HDHD2: variants seen among roughly 807,000 people sequenced by gnomAD.
The protein encoded by HDHD2 is haloacid dehalogenase like hydrolase domain containing 2.
Under a neutral mutation model 24.8 loss-of-function variants are expected in HDHD2, and 26 were observed. The ratio of observed to expected loss-of-function variants is 1.05; its 90% confidence interval spans 0.77 to 1.45. HDHD2 has a LOEUF of 1.45. HDHD2 is among the 40% of genes most tolerant of loss of function. The pLI, the probability that HDHD2 is intolerant of heterozygous loss-of-function variation, is 0.00. For synonymous variants in HDHD2, 128 were observed against 114.9 expected, an observed-to-expected ratio of 1.11 and a Z score of -0.73; for missense variants, 299 against 313.4, an observed-to-expected ratio of 0.95 and a Z score of 0.35.
intron 5 of HDHD2, among the ~76,000 whole-genome samples, chr18:47,113,393 A>T (rs1243853254): frequency 2.6e-5 from 4 of 152,202 alleles, no homozygotes; most frequent in Non-Finnish European, 5.9e-5. Context: ...TTTGGCAGTA[A>T]ATAATACAGC....
intron 1 of HDHD2, among the ~76,000 whole-genome samples, chr18:47,140,061 A>C (rs1168101926): frequency 6.6e-6 from 1 of 152,158 alleles, no homozygotes; most frequent in Non-Finnish European, 1.5e-5. Flanking sequence ...TCTTTTCTTC[A>C]TATTTTTTAC....
intron 6 of HDHD2, chr18:47,111,786 T>C: frequency 1.0e-6 from 1 of 985,364 alleles, no homozygotes; most frequent in Non-Finnish European, 1.2e-6. Flanking sequence ...ATTTCTTGTT[T>C]CTATTTGAAA....
intron 3 of HDHD2, among the ~76,000 whole-genome samples, chr18:47,133,401 G>C (rs1309556467): frequency 6.6e-6 from 1 of 151,516 alleles, no homozygotes; most frequent in Non-Finnish European, 1.5e-5. Context: ...ATCATTGATG[G>C]ACATTTGGGT....
At chr18:47,143,439 CAT>C (rs1272854102) in intron 1 of HDHD2, among the ~76,000 whole-genome samples, 2 of 152,090 alleles carry the variant, frequency 1.3e-5, no homozygotes, top group African/African-American at 2.4e-5. Context: ...AAAACACACA[CAT>C]ATATATATAT....
chr18:47,114,469 T>C (rs1226068108), intron 5 of HDHD2, among the ~76,000 whole-genome samples: 2 of 152,216 alleles, frequency 1.3e-5, no homozygotes, highest in African/African-American at 4.8e-5. Context: ...AATTGAAATA[T>C]AATCCTGGCC....
chr18:47,131,469 A>G (rs770032292), intron 3 of HDHD2, among the ~76,000 whole-genome samples: 1 of 152,174 alleles, frequency 6.6e-6, no homozygotes, highest in Non-Finnish European at 1.5e-5. Context: ...GCCTGTCCAG[A>G]TCTGAAATCA....
chr18:47,114,085 C>A (rs2063537910), intron 5 of HDHD2, among the ~76,000 whole-genome samples: 1 of 152,202 alleles, frequency 6.6e-6, no homozygotes, highest in South Asian at 2.1e-4. Flanking sequence ...GCTCAGATAA[C>A]CACTTTTTTA....
At chr18:47,148,870 G>A (rs1447881119) in intron 1 of HDHD2, among the ~76,000 whole-genome samples, 1 of 152,194 alleles carries the variant, frequency 6.6e-6, no homozygotes, top group Non-Finnish European at 1.5e-5. Flanking sequence ...CAACAGTGCA[G>A]TGGTTAAGGA....
In HDHD2 at chr18:47,134,536, G is replaced by A; in HGVS notation, c.270C>T (p.Pro90=). 6.2e-7 allele frequency: 1 copy of A among 1,614,096 alleles called. No homozygotes were observed. The highest frequency in any genetic ancestry group is 8.5e-7 in the Non-Finnish European group (1 of 1,179,974). ...GTGCCCGATCATCAACTAGCAGCAT[G>A]GGTCTGACTTGTTTCCGCTCTAGTA... ...RSLLERKQVR[P]MLLVDDRALP... Residue 90 remains proline (P), a synonymous_variant, in exon 3 of 7, where the codon CCC becomes CCT. Transcript: ENST00000300605.
At chr18:47,139,015 G>C (rs1297355908) in intron 1 of HDHD2, among the ~76,000 whole-genome samples, 2 of 152,196 alleles carry the variant, frequency 1.3e-5, no homozygotes, top group Admixed American at 6.5e-5. Flanking sequence ...TGATCACATG[G>C]AGGCTGATAG....
At chr18:47,138,170 G>A (rs1263035452) in intron 1 of HDHD2, among the ~76,000 whole-genome samples, 1 of 35,464 alleles carries the variant, frequency 2.8e-5, no homozygotes. Context: ...AGATTCTGTC[G>A]CAAAAAAAAA....
At chr18:47,128,958 T>C (rs2063686272) in intron 4 of HDHD2, among the ~76,000 whole-genome samples, 1 of 152,196 alleles carries the variant, frequency 6.6e-6, no homozygotes, top group Admixed American at 6.5e-5. Flanking sequence ...TAAGTTAGAA[T>C]GGTTCTTACA....
intron 4 of HDHD2, among the ~76,000 whole-genome samples, chr18:47,120,880 C>T (rs186432952): frequency 6.6e-6 from 1 of 152,240 alleles, no homozygotes; most frequent in East Asian, 1.9e-4. Flanking sequence ...ACACACACAA[C>T]ATTAAATTTG....
chr18:47,108,798 T>C lies in HDHD2; in HGVS notation c.677-13A>G. On this transcript the variant is annotated splice_polypyrimidine_tract_variant and intron_variant, in intron 6 of 6. Transcript: ENST00000300605. ...GCTCGATATTTCCCTGAAATGAAAG[T>C]AAAGCCAGTAAACACAGGCTGCCAC... 6.5e-7 allele frequency: 1 copy of C among 1,530,970 alleles called. No homozygotes were observed. The highest frequency in any genetic ancestry group is 9.0e-7 in the Non-Finnish European group (1 of 1,105,422). The allele number at this position is 1,530,970 out of a possible 1,614,324, so 94.8% of individuals were successfully genotyped here.
intron 2 of HDHD2, 127 bp downstream of exon 2, chr18:47,136,212 A>G: frequency 1.7e-6 from 2 of 1,145,886 alleles, no homozygotes; most frequent in Non-Finnish European, 2.4e-6. Flanking sequence ...GCTAAACCCA[A>G]GGCAGTTCCT....
intron 4 of HDHD2, among the ~76,000 whole-genome samples, chr18:47,118,417 G>A (rs2063574748): frequency 6.6e-6 from 1 of 152,196 alleles, no homozygotes; most frequent in African/African-American, 2.4e-5. Context: ...ATACTATGCG[G>A]CAATAAAAAG....
At chr18:47,122,022 T>C (rs893366491) in intron 4 of HDHD2, among the ~76,000 whole-genome samples, 1 of 152,212 alleles carries the variant, frequency 6.6e-6, no homozygotes, top group Non-Finnish European at 1.5e-5. Flanking sequence ...CTTGGCATGA[T>C]TGGTAATCCT....
At chr18:47,144,799 C>CAAAAAAAAAAAAAAAAAAA (rs200234127) in intron 1 of HDHD2, among the ~76,000 whole-genome samples, 1 of 61,260 alleles carries the variant, frequency 1.6e-5, no homozygotes, top group Non-Finnish European at 3.3e-5. Context: ...GACCCTGTCT[C>CAAAAAAAAAAAAAAAAAAA]AAAAAAAAAA....
chr18:47,136,125 G>A (rs1271468788), intron 2 of HDHD2, among the ~76,000 whole-genome samples: 2 of 152,226 alleles, frequency 1.3e-5, no homozygotes, highest in African/African-American at 2.4e-5. Context: ...AGAACAAAAA[G>A]ACTGGATCAA....
Sources: gnomAD v4.1 joint callset for allele counts (sites outside exome capture counted in the v4.1 genomes callset) on GRCh38, gnomAD v4.1.1 for gene constraint, MANE v1.5 for transcripts, NCBI Gene and HGNC (gene_info 2026-07-23, HGNC 2026-07-21) for gene names.